Variants in CDC42SE2 observed in about 807,000 individuals in gnomAD.
The protein encoded by CDC42SE2 is CDC42 small effector protein 2.
Under a neutral mutation model 11.5 loss-of-function variants are expected in CDC42SE2, and 3 were observed. The ratio of observed to expected loss-of-function variants is 0.26; its 90% CI spans 0.12 to 0.67. The LOEUF (loss-of-function observed/expected upper bound fraction) is 0.67. Ranked by LOEUF, CDC42SE2 falls within the 30% of genes least tolerant of loss-of-function variation. The pLI, the probability that CDC42SE2 is intolerant of heterozygous loss-of-function variation, is 0.80. For missense variants in CDC42SE2, 82 were observed against 106.8 expected (o/e 0.77, Z 1.02); for synonymous variants, 33 against 34.8 (o/e 0.95, Z 0.18).
At chr5:131,292,215 G>C (rs1168165885) in intron 1 of CDC42SE2, among the ~76,000 whole-genome samples, 2 of 131,952 alleles carry the variant, frequency 1.5e-5, no homozygotes, top group Non-Finnish European at 3.1e-5. Context: ...CTCCAGCCTG[G>C]TGACAGAGTA....
At chr5:131,296,062 C>T (rs966805392) in intron 1 of CDC42SE2, among the ~76,000 whole-genome samples, 5 of 152,160 alleles carry the variant, frequency 3.3e-5, no homozygotes, top group South Asian at 2.1e-4. Context: ...AATACGAACA[C>T]GACTGTCCTG....
intron 2 of CDC42SE2, among the ~76,000 whole-genome samples, chr5:131,349,937 G>T (rs771985613): frequency 1.2e-4 from 18 of 152,006 alleles, no homozygotes; most frequent in South Asian, 2.1e-4. Context: ...AATGAAACTT[G>T]TATAATAAAT....
the CDC42SE2 span, among the ~76,000 whole-genome samples, chr5:131,227,607 A>G: frequency 6.6e-6 from 1 of 152,264 alleles, no homozygotes; most frequent in Admixed American, 6.5e-5. Context: ...GACACATTTA[A>G]TCATCCTTTG....
At chr5:131,278,718 TCCCCTCC>T (rs1561569811) in intron 1 of CDC42SE2, among the ~76,000 whole-genome samples, 4 of 32,862 alleles carry the variant, frequency 1.2e-4, no homozygotes, top group East Asian at 8.9e-4. Flanking sequence ...TCCTCTCCCC[TCCCCTCC>T]CCCCTCCCCT....
chr5:131,328,392 G>C (rs1169544369), intron 2 of CDC42SE2, among the ~76,000 whole-genome samples: 2 of 151,468 alleles, frequency 1.3e-5, no homozygotes, highest in Non-Finnish European at 2.9e-5. Flanking sequence ...TCTGTTATTT[G>C]GCTGTTTGAG....
Position 131,351,602 on chromosome 5 carries a change from G to C in CDC42SE2, c.-285-7607G>C, listed in dbSNP as rs572349647. On this transcript the variant is annotated intron_variant, in intron 2 of 4. Coordinates refer to ENST00000505065, the MANE Select transcript of CDC42SE2 (RefSeq NM_001375635.1). The stretch of plus-strand genomic sequence containing the variant: ...TGCTAAATTAATCTGATAAGAAAAG[G>C]ATATCTTCAGCAAATGAGCTAGAAC... 2.0e-5 allele frequency among the ~76,000 whole-genome samples: 3 copies of C among 152,252 alleles called. No individual in the cohort carries two copies. The South Asian group carries it at 6.2e-4, about 32-fold the overall frequency.
At chr5:131,343,685 C>T (rs2037011280) in intron 2 of CDC42SE2, among the ~76,000 whole-genome samples, 2 of 148,976 alleles carry the variant, frequency 1.3e-5, no homozygotes, top group Non-Finnish European at 3.0e-5. Flanking sequence ...TGCATTCCAG[C>T]CTGGGCAACA....
chr5:131,273,575 C>G (rs1757038129), intron 1 of CDC42SE2, among the ~76,000 whole-genome samples: 1 of 150,716 alleles, frequency 6.6e-6, no homozygotes, highest in South Asian at 2.1e-4. Context: ...TCGAGACCAT[C>G]CTGGCTAACA....
At chr5:131,329,226 ATC>A (rs1187149323) in intron 2 of CDC42SE2, among the ~76,000 whole-genome samples, 1 of 152,206 alleles carries the variant, frequency 6.6e-6, no homozygotes, top group Non-Finnish European at 1.5e-5. Context: ...CTTTTAGCAT[ATC>A]TCTCTTTTAA....
At chr5:131,324,972 G>A (rs1406336559) in intron 2 of CDC42SE2, among the ~76,000 whole-genome samples, 1 of 151,982 alleles carries the variant, frequency 6.6e-6, no homozygotes, top group Non-Finnish European at 1.5e-5. Context: ...CATAGTTACT[G>A]GACTCTTTAG....
intron 2 of CDC42SE2, among the ~76,000 whole-genome samples, chr5:131,349,442 A>G (rs1035880573): frequency 6.6e-6 from 1 of 152,228 alleles, no homozygotes; most frequent in Non-Finnish European, 1.5e-5. Flanking sequence ...ATACATATGT[A>G]AGAAACCTGC....
chr5:131,230,968 CAT>C, the CDC42SE2 span, among the ~76,000 whole-genome samples: 311 of 152,294 alleles, frequency 2.0e-3, 1 homozygote, highest in African/African-American at 6.3e-3. Flanking sequence ...CATACACACA[CAT>C]GTATGTATAT....
chr5:131,267,055 ATTTTTTTTT>A (rs71000983), intron 1 of CDC42SE2, among the ~76,000 whole-genome samples: 1 of 113,682 alleles, frequency 8.8e-6, no homozygotes, highest in African/African-American at 3.3e-5. Flanking sequence ...AGAACTCATA[ATTTTTTTTT>A]TTTTTTTTTG....
chr5:131,385,702 G>C (rs1305407600), intron 4 of CDC42SE2, 58 bp downstream of exon 4: 4 of 1,024,126 alleles, frequency 3.9e-6, no homozygotes, highest in Non-Finnish European at 6.0e-6. Context: ...TATGAAACCT[G>C]TGTGACAGGC....
intron 1 of CDC42SE2, among the ~76,000 whole-genome samples, chr5:131,277,488 G>C (rs1403364136): frequency 2.0e-5 from 3 of 152,172 alleles, no homozygotes; most frequent in Non-Finnish European, 4.4e-5. Flanking sequence ...ATGTGAAGTT[G>C]TTTCTCAACC....
In CDC42SE2 at chr5:131,248,432, C is replaced by T. The variant is rs553018904; in HGVS notation, n.107+2833C>T. On this transcript the variant is annotated intron_variant and non_coding_transcript_variant, in intron 1 of 3. Coordinates refer to the CDC42SE2 transcript ENST00000502840. ...GATCATAGGCATGAGCCACCATGCC[C>T]GGCAGAAGCATTCCCTTTTAAAACA... Among the ~76,000 whole-genome samples the T allele has an allele frequency of 7.2e-5, 11 of 152,248 alleles. No individual in the cohort carries two copies. In the East Asian group the frequency reaches 9.6e-4, roughly 13 times the overall value.
intron 1 of CDC42SE2, among the ~76,000 whole-genome samples, chr5:131,288,788 C>G (rs1260605972): frequency 6.6e-6 from 1 of 152,150 alleles, no homozygotes; most frequent in African/African-American, 2.4e-5. Flanking sequence ...ACTACTTTGG[C>G]AAGGACCTGG....
chr5:131,390,037 A>G (rs1356062143), intron 4 of CDC42SE2, among the ~76,000 whole-genome samples: 1 of 152,114 alleles, frequency 6.6e-6, no homozygotes, highest in Non-Finnish European at 1.5e-5. Flanking sequence ...AAATATCCCA[A>G]TTTTCATATA....
intron 2 of CDC42SE2, among the ~76,000 whole-genome samples, chr5:131,358,139 T>G (rs1749606091): frequency 6.6e-6 from 1 of 152,234 alleles, no homozygotes; most frequent in South Asian, 2.1e-4. Context: ...AGATCATTCA[T>G]TGCTTTAGTC....
Sources: allele counts gnomAD v4.1 joint callset (sites outside exome capture counted in the v4.1 genomes callset), GRCh38; gene constraint gnomAD v4.1.1; transcripts MANE v1.5; gene names NCBI Gene and HGNC (gene_info 2026-07-23, HGNC 2026-07-21).